DLC1: variants seen among roughly 807,000 people sequenced by gnomAD.
The protein encoded by DLC1 is DLC1 Rho GTPase activating protein, also known as rho GTPase-activating protein 7.
In DLC1, 54 loss-of-function variants were observed where a neutral mutation model predicts 140.3. The ratio of observed to expected loss-of-function variants is 0.38; its 90% confidence interval spans 0.31 to 0.48. The LOEUF (loss-of-function observed/expected upper bound fraction) is 0.48. Among genes scored for constraint, DLC1 ranks in the 20% least tolerant of loss-of-function variants. DLC1 has a pLI of 0.96. For synonymous variants in DLC1, 986 were observed against 728.1 expected (o/e 1.35, Z -5.70); for missense variants, 2,536 against 1,907.0 (o/e 1.33, Z -6.14).
intron 2 of DLC1, among the ~76,000 whole-genome samples, chr8:13,457,404 C>A (rs541597694): frequency 6.6e-6 from 1 of 152,032 alleles, no homozygotes; most frequent in African/African-American, 2.4e-5. Flanking sequence ...TGTTGCTGGG[C>A]ACGGTGGCTC....
intron 1 of DLC1, among the ~76,000 whole-genome samples, chr8:13,524,403 G>T (rs1431311289): frequency 6.6e-6 from 1 of 152,016 alleles, no homozygotes; most frequent in African/African-American, 2.4e-5. Flanking sequence ...CTCCCAAAGT[G>T]CTGGTATTAC....
Position 13,099,759 on chromosome 8 carries a change from G to A in DLC1, c.2578C>T (p.Pro860Ser). ...GAATTGCGTCTCTTCAGTTCCTTGG[G>A]GCTGTCGCTACTGTTTTCCCTCCTG... ...SLRRENSSDS[P>S]KELKRRNSSS... is the part of the protein sequence containing the mutation. Residue 860 changes from proline (P) to serine (S), a missense_variant, in exon 9 of 18, where the codon CCC (proline) becomes TCC (serine). Physicochemically the swap from Pro to Ser is moderately conservative, Grantham distance 74. Coordinates refer to ENST00000276297, the MANE Select transcript of DLC1 (RefSeq NM_182643.3). 6.2e-7 allele frequency: 1 copy of A among 1,614,182 alleles called. No individual in the cohort carries two copies. The highest frequency in any genetic ancestry group is 8.5e-7 in the Non-Finnish European group (1 of 1,180,040).
At chr8:13,321,716 A>G (rs977336065) in intron 4 of DLC1, among the ~76,000 whole-genome samples, 1 of 152,142 alleles carries the variant, frequency 6.6e-6, no homozygotes. Context: ...ATCCAGTTCT[A>G]AGGAAAACTG....
chr8:13,166,680 C>T (rs988601316), intron 5 of DLC1, among the ~76,000 whole-genome samples: 1 of 152,214 alleles, frequency 6.6e-6, no homozygotes, highest in African/African-American at 2.4e-5. Context: ...ATAAGTCAAA[C>T]TTACCTAAAT....
At chr8:13,336,658 T>C (rs982445889) in intron 4 of DLC1, among the ~76,000 whole-genome samples, 4 of 152,214 alleles carry the variant, frequency 2.6e-5, no homozygotes, top group African/African-American at 9.6e-5. Context: ...ATGTACTAGC[T>C]ACATGCTCCT....
At chr8:13,296,245 C>T (rs1050990607) in intron 5 of DLC1, among the ~76,000 whole-genome samples, 1 of 152,088 alleles carries the variant, frequency 6.6e-6, no homozygotes, top group Non-Finnish European at 1.5e-5. Flanking sequence ...CGTGAGCCAC[C>T]ATGCCCAGCC....
chr8:13,378,844 A>G (rs1836116993), intron 4 of DLC1, among the ~76,000 whole-genome samples: 1 of 152,166 alleles, frequency 6.6e-6, no homozygotes, highest in South Asian at 2.1e-4. Flanking sequence ...CAGCAAATAT[A>G]ATTACGAATA....
intron 5 of DLC1, among the ~76,000 whole-genome samples, chr8:13,156,948 G>T (rs1824301819): frequency 6.6e-6 from 1 of 152,172 alleles, no homozygotes; most frequent in Admixed American, 6.5e-5. Flanking sequence ...GAGTATGAAG[G>T]TTAGAGTAAA....
intron 2 of DLC1, among the ~76,000 whole-genome samples, chr8:13,447,082 C>A (rs1344141077): frequency 6.6e-6 from 1 of 152,136 alleles, no homozygotes; most frequent in Non-Finnish European, 1.5e-5. Context: ...TAAACTTTCC[C>A]TGTGTGTAGA....
chr8:13,559,095 G>T (rs1411203117), intron 1 of DLC1: 1 of 152,218 alleles, frequency 6.6e-6, no homozygotes, highest in Non-Finnish European at 1.5e-5. Flanking sequence ...CAGAACAAAA[G>T]CTCACATTGT....
chr8:13,458,555 GCT>G (rs1357755803), intron 2 of DLC1, among the ~76,000 whole-genome samples: 1 of 152,042 alleles, frequency 6.6e-6, no homozygotes, highest in Non-Finnish European at 1.5e-5. Context: ...ATAATACTTT[GCT>G]CTCTGTTACC....
chr8:13,320,330 A>T (rs1207530983), intron 4 of DLC1, among the ~76,000 whole-genome samples: 1 of 152,092 alleles, frequency 6.6e-6, no homozygotes, highest in Non-Finnish European at 1.5e-5. Context: ...TTGCCTGTTA[A>T]CTCTTCGTTA....
At chr8:13,459,850 G>A (rs1197278097) in intron 2 of DLC1, among the ~76,000 whole-genome samples, 3 of 152,160 alleles carry the variant, frequency 2.0e-5, no homozygotes, top group East Asian at 3.8e-4. Context: ...CTATAAAAAG[G>A]TTTCTGTGCA....
intron 4 of DLC1, among the ~76,000 whole-genome samples, chr8:13,313,328 G>T (rs989485635): frequency 6.6e-6 from 1 of 152,182 alleles, no homozygotes; most frequent in Admixed American, 6.5e-5. Flanking sequence ...GAAATTGAAG[G>T]CATGCTGTGA....
Position 13,237,133 on chromosome 8 carries a change from A to G in DLC1, c.1348+68136T>C, listed in dbSNP as rs190658724. Among the ~76,000 whole-genome samples, 464 of 151,444 alleles carry G rather than the reference A, an allele frequency of 3.1e-3. 5 individuals carry two copies. Among genetic ancestry groups the G allele is most frequent in the African/African-American group, 0.01 (429 of 41,318 alleles). On this transcript the variant is annotated intron_variant, in intron 5 of 17. Coordinates refer to ENST00000276297, the MANE Select transcript of DLC1 (RefSeq NM_182643.3). ...TTTGCTTACTCTTTTTCTAAGGACCAGTAATGCAGTGGAAAAAAAATATAC... is the reference window on the plus strand; with the variant it reads ...TTTGCTTACTCTTTTTCTAAGGACCGGTAATGCAGTGGAAAAAAAATATAC...
chr8:13,579,387 T>TCA, intron 1 of DLC1, among the ~76,000 whole-genome samples: 2 of 27,574 alleles, frequency 7.3e-5, no homozygotes, highest in African/African-American at 1.4e-4. Context: ...TATTTATATA[T>TCA]TATATATTAT....
chr8:13,099,835 G>A lies in DLC1; in HGVS notation c.2502C>T (p.Gly834=). Residue 834 remains glycine (G), a synonymous_variant, in exon 9 of 18, where the codon GGC becomes GGT. Coordinates refer to ENST00000276297, the MANE Select transcript of DLC1 (RefSeq NM_182643.3). ...NGSFSPSGNN[G]SVNWRTGSFH... ...AGCTTCCCGTCCTCCAGTTCACAGA[G>A]CCGTTATTCCCCGAGGGGGAGAAAC... is the stretch of plus-strand genomic sequence containing the variant. 1 of 1,614,200 alleles carries A rather than the reference G, an allele frequency of 6.2e-7. No homozygotes were observed. Among genetic ancestry groups the A allele is most frequent in the Non-Finnish European group, 8.5e-7 (1 of 1,180,060 alleles).
chr8:13,448,832 T>TTA (rs1179544888), intron 2 of DLC1, among the ~76,000 whole-genome samples: 1 of 85,844 alleles, frequency 1.2e-5, no homozygotes, highest in Non-Finnish European at 3.5e-5. Context: ...CACAAATGTG[T>TTA]TATACACTAG....
intron 5 of DLC1, among the ~76,000 whole-genome samples, chr8:13,251,301 G>A (rs142978322): frequency 0.011 from 1,729 of 152,142 alleles, 12 homozygotes; most frequent in South Asian, 0.038. Context: ...TAAACTGCAG[G>A]CTGATGGGGC....
Sources: gnomAD v4.1 joint callset for allele counts (sites outside exome capture counted in the v4.1 genomes callset) on GRCh38, gnomAD v4.1.1 for gene constraint, MANE v1.5 for transcripts, NCBI Gene and HGNC (gene_info 2026-07-23, HGNC 2026-07-21) for gene names.